ELFN1: variants seen among roughly 807,000 people sequenced by gnomAD.
The protein encoded by ELFN1 is extracellular leucine rich repeat and fibronectin type III domain containing 1.
ELFN1 carries 6 observed loss-of-function variants against 7.6 expected under a neutral mutation model. The observed-to-expected ratio is 0.79, with a 90% CI of 0.43 to 1.56. The LOEUF (loss-of-function observed/expected upper bound fraction) is 1.56, where lower values mean the gene tolerates loss of function less well. ELFN1 is among the 40% of genes most tolerant of loss of function. The pLI is 0.01. For missense variants in ELFN1, 1,169 were observed against 1,232.2 expected, an observed-to-expected ratio of 0.95 and a Z score of 0.77; for synonymous variants, 657 against 588.1, an observed-to-expected ratio of 1.12 and a Z score of -1.70.
chr7:1,742,501 C>T (rs1006850078), intron 3 of ELFN1, among the ~76,000 whole-genome samples: 4 of 152,198 alleles, frequency 2.6e-5, no homozygotes, highest in Admixed American at 1.3e-4. Flanking sequence ...GGCGTGGGTG[C>T]GAGCTGGCAG....
chr7:1,672,752 C>T (rs1483673966), intron 1 of ELFN1, among the ~76,000 whole-genome samples: 1 of 152,074 alleles, frequency 6.6e-6, no homozygotes, highest in Non-Finnish European at 1.5e-5. Context: ...AGCCAATTCC[C>T]CATTTTGGTA....
rs1392964521 is a variant in ELFN1, at chr7:1,739,206, T to C, written c.-293-5098T>C. 1 of 151,896 alleles carries C rather than the reference T, an allele frequency of 6.6e-6. No individual in the cohort carries two copies. The highest frequency in any genetic ancestry group is 6.6e-5 in the Admixed American group (1 of 15,242). The allele number at this position is 151,896 out of a possible 1,614,324, so 9.4% of individuals were successfully genotyped here. A position where few individuals can be genotyped will look rare whatever the true frequency, so the allele number is the denominator to read the frequency against. On this transcript the variant is annotated intron_variant, in intron 3 of 3. Coordinates refer to ENST00000424383, the MANE Select transcript of ELFN1 (RefSeq NM_001128636.4). This position sits in a 1 kb window ranked among gnomAD's most constrained non-coding sequence, Gnocchi z 4.6. ...TGGTTAGCGAGGCTCCCTCTGGCTG[T>C]GGAGGGAGAATGGATTGTGGGTGCC... is the stretch of plus-strand genomic sequence containing the variant.
intron 1 of ELFN1, among the ~76,000 whole-genome samples, chr7:1,683,901 C>A (rs1195558018): frequency 1.3e-5 from 2 of 152,186 alleles, no homozygotes; most frequent in South Asian, 2.1e-4. Context: ...GTAATCCCAG[C>A]ACTTTGGGAG....
intron 3 of ELFN1, among the ~76,000 whole-genome samples, chr7:1,732,025 C>T (rs926176698): frequency 2.6e-5 from 4 of 152,170 alleles, no homozygotes; most frequent in Admixed American, 6.5e-5. Context: ...CTACTCAGTG[C>T]CTGGAAAGGA....
intron 3 of ELFN1, among the ~76,000 whole-genome samples, chr7:1,731,891 C>T (rs1780332607): frequency 6.6e-6 from 1 of 152,212 alleles, no homozygotes; most frequent in African/African-American, 2.4e-5. Context: ...CTCAGGTGAT[C>T]TGTCCGCCTC....
At chr7:1,738,089 C>A (rs543052224) in intron 3 of ELFN1, among the ~76,000 whole-genome samples, 4 of 152,336 alleles carry the variant, frequency 2.6e-5, no homozygotes, top group South Asian at 4.1e-4. Context: ...GTGAACGCAG[C>A]GGTTCTGGGA....
Position 1,734,842 on chromosome 7 carries a change from C to T in ELFN1, c.-293-9462C>T, listed in dbSNP as rs116164525. On this transcript the variant is annotated intron_variant, in intron 3 of 3. Coordinates refer to ENST00000424383, the MANE Select transcript of ELFN1 (RefSeq NM_001128636.4). ...CCTCCCAAATAGCTGGGATCACAGGCGCACGCCACCACACCCGGCAAATTT... is the reference window on the plus strand; with the variant it reads ...CCTCCCAAATAGCTGGGATCACAGGTGCACGCCACCACACCCGGCAAATTT... 8.7e-3 allele frequency among the ~76,000 whole-genome samples: 1,319 copies of T among 151,926 alleles called. 19 individuals carry two copies. The highest frequency in any genetic ancestry group is 0.031 in the African/African-American group (1,264 of 41,422).
At chr7:1,736,031 C>T (rs1018074391) in intron 3 of ELFN1, among the ~76,000 whole-genome samples, 1 of 152,136 alleles carries the variant, frequency 6.6e-6, no homozygotes, top group African/African-American at 2.4e-5. Context: ...GGTGCACAGG[C>T]GGGCCCCCCA....
chr7:1,745,380 C>A lies in ELFN1; in HGVS notation c.784C>A (p.Pro262Thr), dbSNP rs1276473046. 9.7e-6 allele frequency: 15 copies of A among 1,538,662 alleles called. No individual in the cohort carries two copies. Among genetic ancestry groups the A allele is most frequent in the Middle Eastern group, 1.7e-4 (1 of 6,000 alleles). The change falls in exon 4 of 4, where the codon CCC (proline) becomes ACC (threonine). Residue 262 changes from proline (P) to threonine (T), a missense_variant. By Grantham distance (38) the Pro-to-Thr change is conservative (BLOSUM62 -1). Coordinates refer to ENST00000424383, the MANE Select transcript of ELFN1 (RefSeq NM_001128636.4). ...CTCGTACGCGGCTGAGGTGGTCGGG[C>A]CCCCACGTCCAGCATCCGGGCGCTC... Reference protein sequence around the residue: ...EDSYAAEVVGPPRPASGRSQP... With the variant: ...EDSYAAEVVGTPRPASGRSQP...
chr7:1,745,357 C>G lies in ELFN1; in HGVS notation c.761C>G (p.Ser254Trp). ...CTGCAGTCAGTCTGCACCGAGGACT[C>G]GTACGCGGCTGAGGTGGTCGGGCCC... is the stretch of plus-strand genomic sequence containing the variant. ...SKLQSVCTED[S>W]YAAEVVGPPR... Residue 254 changes from serine to tryptophan, a missense_variant, in exon 4 of 4, where the codon TCG becomes TGG. Ser to Trp is a radical substitution (Grantham distance 177). Coordinates refer to ENST00000424383, the MANE Select transcript of ELFN1 (RefSeq NM_001128636.4). 1.3e-6 allele frequency: 2 copies of G among 1,539,678 alleles called. No individual in the cohort carries two copies. The highest frequency in any genetic ancestry group is 1.2e-5 in the South Asian group (1 of 83,974).
intron 1 of ELFN1, among the ~76,000 whole-genome samples, chr7:1,682,211 C>T (rs1254814113): frequency 1.3e-5 from 2 of 152,064 alleles, no homozygotes; most frequent in Admixed American, 6.6e-5. Flanking sequence ...AGATTTCTTC[C>T]GTTTTCTTCT....
At position 1,747,517 on chromosome 7, in the gene ELFN1, CGTGGGGGGT is replaced by C. The variant is rs1471870912; in HGVS notation, c.*439_*447del. 2 of 165,562 alleles carry C rather than the reference CGTGGGGGGT, an allele frequency of 1.2e-5. No homozygotes were observed. Among genetic ancestry groups the C allele is most frequent in the Non-Finnish European group, 2.9e-5 (2 of 68,260 alleles). The allele number at this position is 165,562 out of a possible 1,614,324, so 10.3% of individuals were successfully genotyped here. On this transcript the variant is annotated 3_prime_UTR_variant, in exon 4 of 4. Transcript: ENST00000424383. Reference sequence around the variant, plus strand: ...TTTTAAAAAGACATAAAATGCCATCCGTGGGGGGTGTGGCCGGCGTGGCCACCTCGGGGC... The same window carrying C: ...TTTTAAAAAGACATAAAATGCCATCCGTGGCCGGCGTGGCCACCTCGGGGC...
At chr7:1,680,718 C>G (rs1020162138) in intron 1 of ELFN1, among the ~76,000 whole-genome samples, 3 of 151,798 alleles carry the variant, frequency 2.0e-5, no homozygotes, top group African/African-American at 7.3e-5. Context: ...GATCTGCACC[C>G]TGTCTCTGTG....
chr7:1,740,193 G>A lies in ELFN1; in HGVS notation c.-293-4111G>A, dbSNP rs1270198884. ...GTGTCTCCCTGAGGCAGGAGGCCAG[G>A]CCCTGGGAGCAGGTGCAGATGGGCT... is the stretch of plus-strand genomic sequence containing the variant. On this transcript the variant is annotated intron_variant, in intron 3 of 3. Coordinates refer to ENST00000424383, the MANE Select transcript of ELFN1 (RefSeq NM_001128636.4). The surrounding 1 kb of genome is among the most constrained non-coding windows in gnomAD (Gnocchi z 5.0). Among the ~76,000 whole-genome samples the A allele has an allele frequency of 6.6e-6, 1 of 152,158 alleles. No homozygotes were observed. Among genetic ancestry groups the A allele is most frequent in the African/African-American group, 2.4e-5 (1 of 41,424 alleles).
At chr7:1,732,623 A>G (rs956139265) in intron 3 of ELFN1, among the ~76,000 whole-genome samples, 1 of 152,198 alleles carries the variant, frequency 6.6e-6, no homozygotes, top group African/African-American at 2.4e-5. Flanking sequence ...TAAGAATTCA[A>G]ACAGTAAAGA....
rs1480795381 is a variant in ELFN1 at position 1,744,551 on chromosome 7, G to A, written c.-46G>A. 6.9e-7 allele frequency: 1 copy of A among 1,442,460 alleles called. No individual in the cohort carries two copies. Among genetic ancestry groups the A allele is most frequent in the African/African-American group, 1.5e-5 (1 of 68,658 alleles). 89.4% of individuals were successfully genotyped at this position (1,442,460 alleles called of 1,614,324 possible). A position where few individuals can be genotyped will look rare whatever the true frequency, so the allele number is the denominator to read the frequency against. ...GGGCTGGCGCCTGGCCCCCCACCTG[G>A]TCCCCCTGGGCAGGCTGAATTGGGG... is the stretch of plus-strand genomic sequence containing the variant. On this transcript the variant is annotated 5_prime_UTR_variant, in exon 4 of 4. Coordinates refer to ENST00000424383, the MANE Select transcript of ELFN1 (RefSeq NM_001128636.4).
chr7:1,697,674 C>T (rs1253297860), intron 2 of ELFN1, among the ~76,000 whole-genome samples: 1 of 152,198 alleles, frequency 6.6e-6, no homozygotes, highest in Admixed American at 6.5e-5. Context: ...ACTTCCTGCC[C>T]CCACCCCTCC....
intron 3 of ELFN1, among the ~76,000 whole-genome samples, chr7:1,731,362 T>C (rs539196531): frequency 6.6e-6 from 1 of 152,356 alleles, no homozygotes; most frequent in African/African-American, 2.4e-5. Flanking sequence ...GGGAGAATGA[T>C]GAAGGATGTC....
intron 1 of ELFN1, among the ~76,000 whole-genome samples, chr7:1,685,187 A>G (rs919364473): frequency 3.3e-5 from 5 of 152,028 alleles, no homozygotes; most frequent in Non-Finnish European, 7.4e-5. Flanking sequence ...GAAATCAGCC[A>G]TTTATCATAT....
Sources: allele counts gnomAD v4.1 joint callset (sites outside exome capture counted in the v4.1 genomes callset), GRCh38; gene constraint gnomAD v4.1.1; non-coding constraint Gnocchi (gnomAD v3.1); transcripts MANE v1.5; gene names NCBI Gene and HGNC (gene_info 2026-07-23, HGNC 2026-07-21).